PSMD14: variants seen among roughly 807,000 people sequenced by gnomAD.
PSMD14 encodes ubiquitin C-terminal hydrolase PSMD14.
In PSMD14, 7 loss-of-function variants were observed where a neutral mutation model predicts 41.2. That is an observed-to-expected ratio of 0.17 (90% CI 0.10 to 0.32). The LOEUF is 0.32. Ranked by LOEUF, PSMD14 falls within the 10% of genes least tolerant of loss-of-function variation. PSMD14 has a pLI of 1.00. For missense variants in PSMD14, 139 were observed against 375.6 expected (o/e 0.37, Z 5.21); for synonymous variants, 114 against 122.3 (o/e 0.93, Z 0.45).
intron 3 of PSMD14, among the ~76,000 whole-genome samples, chr2:161,323,663 A>C (rs1467251100): frequency 6.8e-6 from 1 of 145,988 alleles, no homozygotes; most frequent in Non-Finnish European, 1.5e-5. Flanking sequence ...ACTATGTCTC[A>C]AAAAAAAAAA....
chr2:161,353,346 G>A (rs1356406251), intron 3 of PSMD14, among the ~76,000 whole-genome samples: 8 of 152,188 alleles, frequency 5.3e-5, no homozygotes, highest in Admixed American at 4.6e-4. Context: ...GGAAGAGCAT[G>A]TCTACTTTAA....
chr2:161,358,590 T>G (rs1451437256), intron 3 of PSMD14, among the ~76,000 whole-genome samples: 1 of 152,178 alleles, frequency 6.6e-6, no homozygotes, highest in East Asian at 1.9e-4. Flanking sequence ...CCACTCCTAC[T>G]CTACATTTCC....
chr2:161,322,119 A>G (rs1344906540), intron 3 of PSMD14, among the ~76,000 whole-genome samples: 1 of 152,228 alleles, frequency 6.6e-6, no homozygotes, highest in African/African-American at 2.4e-5. Flanking sequence ...TTAGCATAAC[A>G]AAAGAAACTC....
chr2:161,389,888 TG>T (rs796376561), intron 8 of PSMD14, among the ~76,000 whole-genome samples: 1 of 79,748 alleles, frequency 1.3e-5, no homozygotes, highest in African/African-American at 5.3e-5. Flanking sequence ...TCTTTTTTGT[TG>T]TTTTTTTTTT....
chr2:161,340,769 A>G (rs1682941818), intron 3 of PSMD14: 2 of 1,612,120 alleles, frequency 1.2e-6, no homozygotes, highest in Non-Finnish European at 1.7e-6. Context: ...AGCTTTTAAG[A>G]TGCCAAAAGG....
At chr2:161,314,063 C>G (rs1689122094) in intron 1 of PSMD14, among the ~76,000 whole-genome samples, 1 of 152,110 alleles carries the variant, frequency 6.6e-6, no homozygotes, top group South Asian at 2.1e-4. Context: ...GATAGGATGG[C>G]CATCTTTCCT....
chr2:161,324,059 T>C (rs1357648135), intron 3 of PSMD14, among the ~76,000 whole-genome samples: 1 of 152,228 alleles, frequency 6.6e-6, no homozygotes, highest in African/African-American at 2.4e-5. Context: ...TCTCCCTGGG[T>C]TCATTTTAGC....
Position 161,385,576 on chromosome 2 carries a change from T to C in PSMD14, c.570+5T>C. ...TTAAACAAGCCATCTATCCAGGTATTGCCTATATTTGATAATGTGTTAAAA... is the reference window on the plus strand; with the variant it reads ...TTAAACAAGCCATCTATCCAGGTATCGCCTATATTTGATAATGTGTTAAAA... On this transcript the variant is annotated splice_donor_5th_base_variant and intron_variant, in intron 8 of 11. Coordinates refer to ENST00000409682, the MANE Select transcript of PSMD14 (RefSeq NM_005805.6). 1 of 1,547,586 alleles carries C rather than the reference T, an allele frequency of 6.5e-7. No individual in the cohort carries two copies. The highest frequency in any genetic ancestry group is 8.9e-7 in the Non-Finnish European group (1 of 1,121,678).
At chr2:161,359,790 G>T (rs997504641) in intron 3 of PSMD14, among the ~76,000 whole-genome samples, 2 of 152,164 alleles carry the variant, frequency 1.3e-5, no homozygotes, top group Non-Finnish European at 2.9e-5. Context: ...AATAAAAGTA[G>T]ACTTGGGCAT....
At chr2:161,379,036 G>T (rs1288831661) in intron 7 of PSMD14, among the ~76,000 whole-genome samples, 2 of 151,958 alleles carry the variant, frequency 1.3e-5, no homozygotes, top group African/African-American at 4.8e-5. Context: ...ATGTATATAG[G>T]TCCTTTATTC....
intron 10 of PSMD14, among the ~76,000 whole-genome samples, chr2:161,396,984 C>G (rs1683808119): frequency 6.6e-6 from 1 of 152,062 alleles, no homozygotes; most frequent in Non-Finnish European, 1.5e-5. Context: ...CCCGCTGCAA[C>G]ACCCAGCTAA....
intron 8 of PSMD14, among the ~76,000 whole-genome samples, chr2:161,388,647 T>G (rs1683665393): frequency 6.6e-6 from 1 of 152,130 alleles, no homozygotes; most frequent in Non-Finnish European, 1.5e-5. Flanking sequence ...AGAACGTGAT[T>G]TAAAGGATAT....
chr2:161,356,950 T>C (rs1182159159), intron 3 of PSMD14, among the ~76,000 whole-genome samples: 1 of 152,014 alleles, frequency 6.6e-6, no homozygotes, highest in Non-Finnish European at 1.5e-5. Flanking sequence ...GGCTAAATAA[T>C]TGATACCAGT....
At chr2:161,388,532 T>C (rs894409782) in intron 8 of PSMD14, among the ~76,000 whole-genome samples, 4 of 152,092 alleles carry the variant, frequency 2.6e-5, no homozygotes, top group African/African-American at 9.7e-5. Flanking sequence ...AAACTCTCCC[T>C]TCCTCTTTTG....
In PSMD14 at chr2:161,316,422, G is replaced by A. The variant is rs1444317166; in HGVS notation, c.-137-15G>A. 11 of 151,784 alleles carry A rather than the reference G, an allele frequency of 7.2e-5. No homozygotes were observed. The highest frequency in any genetic ancestry group is 1.5e-4 in the Non-Finnish European group (10 of 67,940). The allele number at this position is 151,784 out of a possible 1,614,324, so 9.4% of individuals were successfully genotyped here. A position where few individuals can be genotyped will look rare whatever the true frequency, so the allele number is the denominator to read the frequency against. On this transcript the variant is annotated splice_polypyrimidine_tract_variant and intron_variant, in intron 1 of 11. Transcript: ENST00000409682. ...TATCAAAATAATTATATTTTATTTT[G>A]TTTACTTTTTTTAGGAGAGAAAGAA... is the stretch of plus-strand genomic sequence containing the variant.
chr2:161,345,200 T>A (rs986718765), intron 3 of PSMD14, among the ~76,000 whole-genome samples: 2 of 151,900 alleles, frequency 1.3e-5, no homozygotes, highest in Non-Finnish European at 2.9e-5. Context: ...AAAATTTATT[T>A]CTGAAATTTC....
intron 7 of PSMD14, among the ~76,000 whole-genome samples, chr2:161,373,194 G>A (rs1431029671): frequency 2.0e-5 from 3 of 151,674 alleles, no homozygotes; most frequent in African/African-American, 7.3e-5. Flanking sequence ...AAATATGTAT[G>A]TGTCACGTCT....
At chr2:161,315,182 A>C (rs903123499) in intron 1 of PSMD14, among the ~76,000 whole-genome samples, 1 of 152,236 alleles carries the variant, frequency 6.6e-6, no homozygotes, top group African/African-American at 2.4e-5. Context: ...TGATTGTCAC[A>C]GCTGGATAGG....
At chr2:161,358,414 A>G (rs900854174) in intron 3 of PSMD14, among the ~76,000 whole-genome samples, 4 of 152,222 alleles carry the variant, frequency 2.6e-5, no homozygotes, top group Non-Finnish European at 4.4e-5. Context: ...ATTTATGTCT[A>G]GGATTGGAAA....
Sources: allele counts gnomAD v4.1 joint callset (sites outside exome capture counted in the v4.1 genomes callset), GRCh38; gene constraint gnomAD v4.1.1; transcripts MANE v1.5; gene names NCBI Gene and HGNC (gene_info 2026-07-23, HGNC 2026-07-21).